ZNF91: variants seen among roughly 807,000 people sequenced by gnomAD.
ZNF91 encodes zinc finger protein 91, also known as zinc finger protein 91 (HPF7, HTF10).
A neutral mutation model predicts 12.6 loss-of-function variants in ZNF91; 7 were observed. That is an observed-to-expected ratio of 0.55 (90% confidence interval 0.31 to 1.04). ZNF91 has a LOEUF of 1.04. ZNF91 is among the 50% of genes least tolerant of loss of function. The pLI is 0.05. For synonymous variants in ZNF91, 453 were observed against 462.6 expected (o/e 0.98, Z 0.27); for missense variants, 1,217 against 1,385.4 (o/e 0.88, Z 1.93).
At chr19:23,368,421 AG>A (rs1173222885) in intron 3 of ZNF91, among the ~76,000 whole-genome samples, 2 of 151,802 alleles carry the variant, frequency 1.3e-5, no homozygotes, top group Non-Finnish European at 2.9e-5. Context: ...AGGCTGAGGC[AG>A]AAGAATTGCT....
At chr19:23,323,313 C>CT (rs759432431) in intron 1 of ZNF91, among the ~76,000 whole-genome samples, 22 of 146,052 alleles carry the variant, frequency 1.5e-4, no homozygotes, top group Admixed American at 1.1e-3. Context: ...CCTCATCTTC[C>CT]TTTTCTCCAT....
chr19:23,351,784 C>T (rs1255704730), intron 3 of ZNF91, among the ~76,000 whole-genome samples: 2 of 152,174 alleles, frequency 1.3e-5, no homozygotes, highest in Non-Finnish European at 2.9e-5. Context: ...CCGGGAGACA[C>T]CCTAAATACT....
At chr19:23,388,497 A>G (rs532490582) in intron 1 of ZNF91, among the ~76,000 whole-genome samples, 1 of 152,340 alleles carries the variant, frequency 6.6e-6, no homozygotes, top group Middle Eastern at 3.4e-3. Flanking sequence ...ACAGTAAACA[A>G]AGTAACATGG....
chr19:23,309,060 T>C (rs2145840588), exon 2 of ZNF91: 1 of 147,958 alleles, frequency 6.8e-6, no homozygotes, highest in East Asian at 2.0e-4. Flanking sequence ...TTTTCATTCA[T>C]CATCTAGATG....
intron 1 of ZNF91, among the ~76,000 whole-genome samples, chr19:23,321,953 T>C (rs923066159): frequency 9.8e-5 from 15 of 152,328 alleles, no homozygotes; most frequent in African/African-American, 3.6e-4. Flanking sequence ...TCTTAGCCCA[T>C]CAACTATTTG....
Position 23,357,875 on chromosome 19 carries a change from T to C in ZNF91, c.*1528A>G, listed in dbSNP as rs766600861. On this transcript the variant is annotated 3_prime_UTR_variant, in exon 4 of 4. Transcript: ENST00000300619. Reference sequence around the variant, plus strand: ...CGCATTTAGTCTAATGCGATTGTTATATATTGTGTGTCCGTATCAAAATAT... The same window carrying C: ...CGCATTTAGTCTAATGCGATTGTTACATATTGTGTGTCCGTATCAAAATAT... The C allele has an allele frequency of 6.6e-5, 10 of 152,216 alleles. No individual in the cohort carries two copies. Among genetic ancestry groups the C allele is most frequent in the East Asian group, 1.9e-4 (1 of 5,202 alleles). The allele number at this position is 152,216 out of a possible 1,614,324, so 9.4% of individuals were successfully genotyped here.
intron 1 of ZNF91, chr19:23,384,958 A>T: frequency 1.1e-6 from 1 of 911,896 alleles, no homozygotes; most frequent in African/African-American, 1.6e-5. Flanking sequence ...GCCAAGGCTT[A>T]GCTGCGAGCC....
At chr19:23,376,896 C>T (rs1186063696) in intron 1 of ZNF91, among the ~76,000 whole-genome samples, 1 of 152,006 alleles carries the variant, frequency 6.6e-6, no homozygotes, top group East Asian at 1.9e-4. Flanking sequence ...ATGAGTTTTT[C>T]TGGACTAATT....
At chr19:23,372,990 A>G (rs1034862326) in intron 3 of ZNF91, among the ~76,000 whole-genome samples, 2 of 152,216 alleles carry the variant, frequency 1.3e-5, no homozygotes, top group South Asian at 2.1e-4. Context: ...AATGAGAATT[A>G]TAACTATCCA....
At chr19:23,322,196 C>A (rs1231689430) in intron 1 of ZNF91, among the ~76,000 whole-genome samples, 3 of 152,202 alleles carry the variant, frequency 2.0e-5, no homozygotes, top group Non-Finnish European at 2.9e-5. Context: ...GCCCTACCCA[C>A]AGAAGGCATT....
At chr19:23,320,861 A>G (rs181389568) in intron 1 of ZNF91, among the ~76,000 whole-genome samples, 121 of 152,358 alleles carry the variant, frequency 7.9e-4, no homozygotes, top group Non-Finnish European at 1.5e-3. Context: ...TTTGAATCTT[A>G]TATCTAGAGG....
At position 23,362,512 on chromosome 19, in the gene ZNF91, C is replaced by T; in HGVS notation, c.467G>A (p.Cys156Tyr). 2 of 1,603,378 alleles carry T rather than the reference C, an allele frequency of 1.2e-6. No homozygotes were observed. Among genetic ancestry groups the T allele is most frequent in the Non-Finnish European group, 1.7e-6 (2 of 1,175,732 alleles). Reference sequence around the variant, plus strand: ...ATAGAAGACTTTCAAATATTTCCCACATTGAAATACTTTGCTCTGGGCAGT... The same window carrying T: ...ATAGAAGACTTTCAAATATTTCCCATATTGAAATACTTTGCTCTGGGCAGT... ...LTTAQSKVFQCGKYLKVFYKF... is the reference protein window; with the variant it reads ...LTTAQSKVFQYGKYLKVFYKF... Residue 156 changes from cysteine to tyrosine, a missense_variant, in exon 4 of 4, where the codon TGT (cysteine) becomes TAT (tyrosine). Cys to Tyr is a radical substitution (Grantham distance 194). This residue lies in a region of ZNF91 where 726 missense variants were observed against 895.5 expected (regional missense o/e 0.81). Transcript: ENST00000300619.
At chr19:23,309,947 C>A (rs1320441156) in intron 1 of ZNF91, among the ~76,000 whole-genome samples, 1 of 152,128 alleles carries the variant, frequency 6.6e-6, no homozygotes. Flanking sequence ...CTTAATCTCA[C>A]ACATGGATGC....
chr19:23,330,345 A>AG (rs1301238750), intron 1 of ZNF91, among the ~76,000 whole-genome samples: 1 of 151,924 alleles, frequency 6.6e-6, no homozygotes, highest in East Asian at 1.9e-4. Context: ...GAAAAAAAAA[A>AG]AAAGAAAGAA....
intron 1 of ZNF91, among the ~76,000 whole-genome samples, chr19:23,379,920 G>T (rs931145200): frequency 1.3e-5 from 2 of 152,118 alleles, no homozygotes; most frequent in African/African-American, 4.8e-5. Flanking sequence ...TCACATCTTA[G>T]ATGAACGACA....
chr19:23,378,987 G>C (rs967639639), intron 1 of ZNF91, among the ~76,000 whole-genome samples: 1 of 150,060 alleles, frequency 6.7e-6, no homozygotes, highest in Non-Finnish European at 1.5e-5. Flanking sequence ...CTTGTATGAG[G>C]GGAGGAGCAA....
chr19:23,309,823 G>C (rs1967446071), intron 1 of ZNF91, among the ~76,000 whole-genome samples: 1 of 151,010 alleles, frequency 6.6e-6, no homozygotes, highest in Non-Finnish European at 1.5e-5. Flanking sequence ...GGGTGGTAGA[G>C]AGAGTGTCAT....
intron 1 of ZNF91, among the ~76,000 whole-genome samples, chr19:23,392,665 G>A (rs575751971): frequency 5.3e-5 from 8 of 152,130 alleles, no homozygotes; most frequent in East Asian, 1.9e-4. Context: ...GGTGGTGCAC[G>A]TCTGTAATCC....
chr19:23,371,593 C>A (rs1969282004), intron 3 of ZNF91, among the ~76,000 whole-genome samples: 1 of 151,782 alleles, frequency 6.6e-6, no homozygotes, highest in Non-Finnish European at 1.5e-5. Flanking sequence ...AAGGAACTTA[C>A]ACTAAAAAAC....
Sources: gnomAD v4.1 joint callset for allele counts (sites outside exome capture counted in the v4.1 genomes callset) on GRCh38, gnomAD v4.1.1 for gene constraint, gnomAD v4.1.1 regional missense constraint, MANE v1.5 for transcripts, NCBI Gene and HGNC (gene_info 2026-07-23, HGNC 2026-07-21) for gene names.